Variants in HELZ observed in about 807,000 individuals in gnomAD.
HELZ encodes helicase with zinc finger, also known as ATP-dependent RNA helicase with zinc finger domain.
HELZ carries 23 observed loss-of-function variants against 218.2 expected under a neutral mutation model. The ratio of observed to expected loss-of-function variants is 0.11; its 90% CI spans 0.08 to 0.15. The LOEUF (loss-of-function observed/expected upper bound fraction) is 0.15, where lower values mean the gene tolerates loss of function less well. Among genes scored for constraint, HELZ ranks in the 10% least tolerant of loss-of-function variants. The pLI is 1.00. For missense variants in HELZ, 1,813 were observed against 2,353.7 expected, an observed-to-expected ratio of 0.77 and a Z score of 4.75; for synonymous variants, 814 against 829.4, an observed-to-expected ratio of 0.98 and a Z score of 0.32.
chr17:67,120,466 G>A lies in HELZ; in HGVS notation c.3777C>T (p.Val1259=). The A allele has an allele frequency of 2.5e-6, 4 of 1,614,046 alleles. No homozygotes were observed. The highest frequency in any genetic ancestry group is 3.4e-6 in the Non-Finnish European group (4 of 1,180,016). ...IPYGLGHHPP[V]TIGQPQNQHQ... Reference sequence around the variant, plus strand: ...GCTGATTTTGTGGCTGGCCTATGGTGACAGGTGGGTGATGTCCAAGGCCAT... The same window carrying A: ...GCTGATTTTGTGGCTGGCCTATGGTAACAGGTGGGTGATGTCCAAGGCCAT... The change falls in exon 27 of 33, where the codon GTC becomes GTT. Residue 1259 remains valine (V), a synonymous_variant. Transcript: ENST00000358691.
intron 17 of HELZ, among the ~76,000 whole-genome samples, chr17:67,153,739 T>C (rs1171065561): frequency 2.6e-5 from 4 of 152,234 alleles, no homozygotes; most frequent in African/African-American, 7.2e-5. Context: ...TCAGTTAATA[T>C]TCAATGTACA....
At chr17:67,123,181 G>A in intron 25 of HELZ, 21 bp from the exon 26 acceptor site, 2 of 1,535,520 alleles carry the variant, frequency 1.3e-6, no homozygotes, top group Non-Finnish European at 1.8e-6. Context: ...AACAGAAAAA[G>A]GATGCACTCA....
intron 24 of HELZ, among the ~76,000 whole-genome samples, chr17:67,125,902 T>C (rs138559838): frequency 6.7e-4 from 102 of 152,192 alleles, no homozygotes; most frequent in African/African-American, 2.4e-3. Context: ...AAAGGAGGAT[T>C]CAATGCACCA....
intron 13 of HELZ, among the ~76,000 whole-genome samples, chr17:67,171,818 C>T (rs1302831364): frequency 1.3e-5 from 2 of 150,694 alleles, no homozygotes; most frequent in Admixed American, 6.6e-5. Flanking sequence ...CTTTTGTCCT[C>T]CTTCTTTTGT....
At chr17:67,237,310 T>G (rs1023943071) in intron 3 of HELZ, among the ~76,000 whole-genome samples, 1 of 152,190 alleles carries the variant, frequency 6.6e-6, no homozygotes, top group African/African-American at 2.4e-5. Flanking sequence ...TTTTGATTTA[T>G]TTATTAGTTT....
intron 7 of HELZ, among the ~76,000 whole-genome samples, chr17:67,198,456 T>C (rs930483651): frequency 9.2e-5 from 14 of 152,204 alleles, no homozygotes; most frequent in African/African-American, 3.4e-4. Flanking sequence ...CAAAGTGTTG[T>C]GTTTGTTTTT....
At chr17:67,163,541 G>C (rs989302343) in intron 15 of HELZ, among the ~76,000 whole-genome samples, 1 of 151,948 alleles carries the variant, frequency 6.6e-6, no homozygotes, top group African/African-American at 2.4e-5. Flanking sequence ...TGGGACTACA[G>C]GTGCCCACCA....
intron 15 of HELZ, 66 bp from the exon 16 acceptor site, chr17:67,161,142 G>C: frequency 3.3e-6 from 4 of 1,219,480 alleles, no homozygotes; most frequent in Non-Finnish European, 4.6e-6. Context: ...TAACACACGA[G>C]TATCGTGAAT....
At chr17:67,132,540 T>C (rs2038020445) in intron 23 of HELZ, among the ~76,000 whole-genome samples, 1 of 152,182 alleles carries the variant, frequency 6.6e-6, no homozygotes, top group Non-Finnish European at 1.5e-5. Context: ...CCCTGGGCAA[T>C]TTAATCTCTC....
rs1039602245 is a variant in HELZ at position 67,109,671 on chromosome 17, T to C, written c.3934A>G (p.Asn1312Asp). The part of the protein sequence containing the change: ...TEPKQVDLES[N>D]PQNRSPESRP... ...GATTCAGGACTTCTGTTCTGTGGAT[T>C]TGATTCCAAATCAACCTAGAAAAAA... The change falls in exon 29 of 33, where the codon AAT becomes GAT. Residue 1312 changes from asparagine (N) to aspartate (D), a missense_variant. By Grantham distance (23) the Asn-to-Asp change is conservative (BLOSUM62 1). Around this residue, in one of 4 missense-constraint regions of HELZ, gnomAD observed 938 missense variants for 1,027.5 expected, o/e 0.91. Transcript: ENST00000358691. 5.6e-6 allele frequency: 9 copies of C among 1,603,306 alleles called. No individual in the cohort carries two copies. In the African/African-American group the frequency reaches 1.2e-4, roughly 22 times the overall value.
At chr17:67,084,555 C>A (rs1428183605) in intron 32 of HELZ, among the ~76,000 whole-genome samples, 4 of 151,256 alleles carry the variant, frequency 2.6e-5, no homozygotes, top group Non-Finnish European at 5.9e-5. Context: ...CCCAGCTACG[C>A]GGGAGGCTGA....
intron 13 of HELZ, among the ~76,000 whole-genome samples, chr17:67,170,381 G>T (rs989273689): frequency 6.6e-6 from 1 of 152,224 alleles, no homozygotes; most frequent in South Asian, 2.1e-4. Flanking sequence ...TGGGCGTGGT[G>T]GCACATGCCT....
At chr17:67,137,570 A>T (rs2038192235) in intron 22 of HELZ, among the ~76,000 whole-genome samples, 1 of 152,182 alleles carries the variant, frequency 6.6e-6, no homozygotes, top group South Asian at 2.1e-4. Context: ...GTTAACTATA[A>T]ACTTAGAAAA....
intron 3 of HELZ, among the ~76,000 whole-genome samples, chr17:67,238,452 C>T (rs1260990966): frequency 2.6e-5 from 4 of 151,094 alleles, no homozygotes; most frequent in Non-Finnish European, 4.4e-5. Flanking sequence ...GAGGCCGAAG[C>T]GAGTGGATCA....
In HELZ at chr17:67,145,837, G is replaced by A. The variant is rs1453297310; in HGVS notation, c.2675C>T (p.Pro892Leu). The A allele has an allele frequency of 1.2e-6, 2 of 1,613,616 alleles. No homozygotes were observed. The highest frequency in any genetic ancestry group is 1.1e-5 in the South Asian group (1 of 91,054). The change falls in exon 21 of 33, where the codon CCA (proline) becomes CTA (leucine). Residue 892 changes from proline (P) to leucine (L), a missense_variant. Around this residue, in one of 4 missense-constraint regions of HELZ, gnomAD observed 156 missense variants for 274.4 expected, o/e 0.57. Coordinates refer to ENST00000358691, the MANE Select transcript of HELZ (RefSeq NM_014877.4). ...EGKLMASGKQ[P>L]AHKDFYPLTF... ...TAGTGGGTAGAAATCTTTGTGTGCTGGCTGCTTCCCACTGGCCATCAGTTT... is the reference window on the plus strand; with the variant it reads ...TAGTGGGTAGAAATCTTTGTGTGCTAGCTGCTTCCCACTGGCCATCAGTTT...
Position 67,188,115 on chromosome 17 carries a change from C to CTT in HELZ, c.1162+202_1162+203dup, listed in dbSNP as rs1247391387. 7.9e-6 allele frequency: 4 copies of CTT among 505,566 alleles called. No individual in the cohort carries two copies. Among genetic ancestry groups the CTT allele is most frequent in the Non-Finnish European group, 1.4e-5 (4 of 290,036 alleles). The allele number at this position is 505,566 out of a possible 1,614,324, so 31.3% of individuals were successfully genotyped here. On this transcript the variant is annotated intron_variant, in intron 12 of 32. Coordinates refer to ENST00000358691, the MANE Select transcript of HELZ (RefSeq NM_014877.4). The surrounding 1 kb of genome is among the most constrained non-coding windows in gnomAD (Gnocchi z 4.1). ...AGTTTGGGGAACCTCAAAGTTCAAG[C>CTT]TTTACCTGGTGGCTCTGTGAAGAAA...
chr17:67,156,708 C>T (rs988756326), intron 17 of HELZ, among the ~76,000 whole-genome samples: 2 of 152,046 alleles, frequency 1.3e-5, no homozygotes, highest in African/African-American at 2.4e-5. Context: ...TCTATGCTCA[C>T]GCTTCAATCA....
chr17:67,225,819 T>C (rs1245431496), intron 3 of HELZ, among the ~76,000 whole-genome samples: 1 of 152,204 alleles, frequency 6.6e-6, no homozygotes, highest in Non-Finnish European at 1.5e-5. Flanking sequence ...TAGCACAATC[T>C]GACAAAAGAG....
chr17:67,224,420 G>A (rs561480394), intron 3 of HELZ: 3 of 225,586 alleles, frequency 1.3e-5, no homozygotes, highest in South Asian at 6.1e-5. Context: ...CCTGGACTTC[G>A]AAGTTAGGTA....
Sources: gnomAD v4.1 joint callset for allele counts (sites outside exome capture counted in the v4.1 genomes callset) on GRCh38, gnomAD v4.1.1 for gene constraint, gnomAD v4.1.1 regional missense constraint, Gnocchi (gnomAD v3.1) non-coding constraint, MANE v1.5 for transcripts, NCBI Gene and HGNC (gene_info 2026-07-23, HGNC 2026-07-21) for gene names.